Variants in GSE1 observed in about 807,000 individuals in gnomAD.
GSE1 encodes genetic suppressor element 1.
GSE1 carries 32 observed loss-of-function variants against 112.6 expected under a neutral mutation model. The observed-to-expected ratio is 0.28, with a 90% CI of 0.21 to 0.38. The LOEUF is 0.38. Among genes scored for constraint, GSE1 ranks in the 10% least tolerant of loss-of-function variants. The probability of loss-of-function intolerance (pLI) is 1.00; values close to 1 mark genes in which losing one functional copy is unlikely to be tolerated. For missense variants in GSE1, 2,348 were observed against 1,699.2 expected, an observed-to-expected ratio of 1.38 and a Z score of -6.71; for synonymous variants, 1,115 against 735.6, an observed-to-expected ratio of 1.52 and a Z score of -8.35.
At chr16:85,422,322 C>T (rs561839059) in intron 2 of GSE1, among the ~76,000 whole-genome samples, 28 of 152,014 alleles carry the variant, frequency 1.8e-4, no homozygotes, top group Middle Eastern at 3.4e-3. Context: ...GCGAGGCTCC[C>T]GGCAAGACTG....
At chr16:85,574,164 C>T (rs539798859) in intron 1 of GSE1, among the ~76,000 whole-genome samples, 4 of 152,186 alleles carry the variant, frequency 2.6e-5, no homozygotes, top group African/African-American at 9.7e-5. Flanking sequence ...CTTGGCCCAG[C>T]GCTCTTGTGG....
chr16:85,302,609 G>T (rs556439737), intron 1 of GSE1, among the ~76,000 whole-genome samples: 1 of 152,322 alleles, frequency 6.6e-6, no homozygotes, highest in East Asian at 1.9e-4. Flanking sequence ...GCATCACCAG[G>T]GCTGCTGGTT....
chr16:85,385,845 C>A (rs957936012), intron 2 of GSE1, among the ~76,000 whole-genome samples: 37 of 152,306 alleles, frequency 2.4e-4, no homozygotes, highest in African/African-American at 8.9e-4. Flanking sequence ...ACCCCCGGGC[C>A]AGGACGGCTC....
chr16:85,250,300 G>A (rs879712492), intron 1 of GSE1, among the ~76,000 whole-genome samples: 15 of 152,210 alleles, frequency 9.9e-5, no homozygotes, highest in Non-Finnish European at 1.3e-4. Flanking sequence ...TTCTCGTGGC[G>A]CCCTGTTTGC....
chr16:85,183,082 C>T (rs978955359), intron 1 of GSE1, among the ~76,000 whole-genome samples: 2 of 152,196 alleles, frequency 1.3e-5, no homozygotes, highest in Non-Finnish European at 2.9e-5. Flanking sequence ...TGTGCCCACA[C>T]ACTCACATGC....
chr16:85,423,016 C>T (rs570820598), intron 2 of GSE1, among the ~76,000 whole-genome samples: 207 of 152,306 alleles, frequency 1.4e-3, no homozygotes, highest in African/African-American at 4.9e-3. Flanking sequence ...TACTCCCAGC[C>T]CCTGGTCCAC....
intron 1 of GSE1, among the ~76,000 whole-genome samples, chr16:85,176,874 A>G (rs1275759990): frequency 6.6e-6 from 1 of 152,258 alleles, no homozygotes; most frequent in Non-Finnish European, 1.5e-5. Context: ...GCGCCCACGC[A>G]GTTCCCTGCT....
At chr16:85,540,020 AG>A (rs1308831019) in intron 2 of GSE1, among the ~76,000 whole-genome samples, 1 of 152,220 alleles carries the variant, frequency 6.6e-6, no homozygotes. Context: ...CGAAGTCAGC[AG>A]GGTTGTTGTA....
At chr16:85,293,488 G>A (rs536875744) in intron 1 of GSE1, among the ~76,000 whole-genome samples, 1 of 152,166 alleles carries the variant, frequency 6.6e-6, no homozygotes, top group Non-Finnish European at 1.5e-5. Context: ...GGAGGTTACA[G>A]TGAGCTGAGA....
rs533494932 is a variant in GSE1 at position 85,244,604 on chromosome 16, C to T, written c.2283+72797C>T. ...GTGGCTCACGCATGTAATCCTAGCA[C>T]GATGGGAGGCTGAGGCAGGAGGATC... is the stretch of plus-strand genomic sequence containing the variant. On this transcript the variant is annotated intron_variant, in intron 1 of 2. Transcript: ENST00000637419. 7.2e-5 allele frequency among the ~76,000 whole-genome samples: 11 copies of T among 152,254 alleles called. No individual in the cohort carries two copies. In the East Asian group the frequency reaches 7.7e-4, roughly 11 times the overall value.
intron 1 of GSE1, among the ~76,000 whole-genome samples, chr16:85,284,559 C>G (rs1449535821): frequency 2.6e-5 from 4 of 152,220 alleles, no homozygotes; most frequent in Non-Finnish European, 1.5e-5. Flanking sequence ...AAGGGATTTG[C>G]TGGGTTGACG....
intron 3 of GSE1, among the ~76,000 whole-genome samples, chr16:85,652,295 C>T (rs73253212): frequency 0.075 from 11,465 of 152,306 alleles, 1,102 homozygotes; most frequent in African/African-American, 0.22. Flanking sequence ...TCAGGTTGGC[C>T]CCTCGGCCAC....
chr16:85,441,972 G>A (rs1053921037), intron 2 of GSE1, among the ~76,000 whole-genome samples: 5 of 152,186 alleles, frequency 3.3e-5, no homozygotes, highest in Admixed American at 6.5e-5. Flanking sequence ...AAAGCCTTGC[G>A]TGCTGTGGCT....
chr16:85,332,258 C>T (rs2046390672), intron 1 of GSE1, among the ~76,000 whole-genome samples: 1 of 152,162 alleles, frequency 6.6e-6, no homozygotes, highest in Admixed American at 6.5e-5. Context: ...GCTGCAGTGC[C>T]ACCAACCCCT....
intron 2 of GSE1, among the ~76,000 whole-genome samples, chr16:85,466,606 T>C (rs2050128075): frequency 6.6e-6 from 1 of 151,922 alleles, no homozygotes. Context: ...CGGGTGGCAA[T>C]GACGGTGGTA....
chr16:85,313,623 C>G (rs2045911611), intron 1 of GSE1, among the ~76,000 whole-genome samples: 1 of 152,066 alleles, frequency 6.6e-6, no homozygotes, highest in South Asian at 2.1e-4. Flanking sequence ...AGGCCCTAGG[C>G]TGGGGGGTGG....
intron 2 of GSE1, chr16:85,490,550 A>T (rs1337695566): frequency 6.6e-6 from 1 of 152,270 alleles, no homozygotes; most frequent in Non-Finnish European, 1.5e-5. Context: ...CTCCCAGGCC[A>T]GCCCCTCGCT....
rs753816122 is a variant in GSE1 at position 85,373,745 on chromosome 16, C to T, written c.2464+16102C>T. Among the ~76,000 whole-genome samples, 13 of 152,084 alleles carry T rather than the reference C, an allele frequency of 8.5e-5. No individual in the cohort carries two copies. Among genetic ancestry groups the T allele is most frequent in the Non-Finnish European group, 1.5e-4 (10 of 67,998 alleles). On this transcript the variant is annotated intron_variant, in intron 2 of 2. Coordinates refer to the GSE1 transcript ENST00000637419. This position sits in a 1 kb window ranked among gnomAD's most constrained non-coding sequence, Gnocchi z 5.1. ...AGGGACGAAAGGGCGAATGAATGAG[C>T]GCTGGCCGCCTTCTCCCGGCAGGCC...
At chr16:85,526,895 G>C (rs1174836214) in intron 2 of GSE1, among the ~76,000 whole-genome samples, 6 of 152,236 alleles carry the variant, frequency 3.9e-5, no homozygotes, top group Non-Finnish European at 7.3e-5. Flanking sequence ...GGCCAATTTT[G>C]TTCAGGATGA....
Sources: allele counts gnomAD v4.1 joint callset (sites outside exome capture counted in the v4.1 genomes callset), GRCh38; gene constraint gnomAD v4.1.1; non-coding constraint Gnocchi (gnomAD v3.1); transcripts MANE v1.5; gene names NCBI Gene and HGNC (gene_info 2026-07-23, HGNC 2026-07-21).